LIMS4: variants seen among roughly 807,000 people sequenced by gnomAD.
LIMS4 encodes the protein LIM and senescent cell antigen-like-containing domain protein 4.
the LIMS4 span, among the ~76,000 whole-genome samples, chr2:110,390,970 G>A: frequency 6.6e-6 from 1 of 151,830 alleles, no homozygotes; most frequent in African/African-American, 2.4e-5. Context: ...ATCTGAAAAG[G>A]CCTCCCTGAG....
At chr2:110,376,313 C>A in the LIMS4 span, 1 of 126,044 alleles carries the variant, frequency 7.9e-6, no homozygotes, top group African/African-American at 4.1e-5. Context: ...TAAATGTATT[C>A]TCTCATTTGA....
At chr2:110,365,959 CA>C in the LIMS4 span, among the ~76,000 whole-genome samples, 1 of 150,936 alleles carries the variant, frequency 6.6e-6, no homozygotes, top group Non-Finnish European at 1.5e-5. Context: ...CACAACTCCC[CA>C]AAATTGAACC....
the LIMS4 span, among the ~76,000 whole-genome samples, chr2:110,378,965 GCTCT>G: frequency 1.4e-5 from 2 of 146,590 alleles, no homozygotes; most frequent in South Asian, 2.1e-4. Context: ...TTCAGTTGAT[GCTCT>G]CTTTCTACAC....
At chr2:110,361,927 C>T in the LIMS4 span, 15 of 1,448,264 alleles carry the variant, frequency 1.0e-5, no homozygotes, top group Non-Finnish European at 1.4e-5. Flanking sequence ...GAAGGCGAGA[C>T]TTCAGAGCAG....
chr2:110,385,312 A>T, the LIMS4 span, among the ~76,000 whole-genome samples: 2 of 148,786 alleles, frequency 1.3e-5, no homozygotes, highest in East Asian at 3.9e-4. Flanking sequence ...CAATGGACTA[A>T]GGTGAGCCAC....
At chr2:110,378,975 TACACAC>T in the LIMS4 span, among the ~76,000 whole-genome samples, 14 of 129,352 alleles carry the variant, frequency 1.1e-4, no homozygotes, top group African/African-American at 3.3e-4. Context: ...GCTCTCTTTC[TACACAC>T]ACACACACAC....
chr2:110,386,943 A>T, the LIMS4 span: 16 of 692,176 alleles, frequency 2.3e-5, 2 homozygotes, highest in East Asian at 4.2e-4. Context: ...GGGAGCGGGG[A>T]CACTAGGGTC....
chr2:110,366,954 C>A, the LIMS4 span, among the ~76,000 whole-genome samples: 3 of 143,228 alleles, frequency 2.1e-5, no homozygotes, highest in South Asian at 7.4e-4. Flanking sequence ...GACACACACA[C>A]ACACACACAC....
the LIMS4 span, among the ~76,000 whole-genome samples, chr2:110,385,316 G>A: frequency 6.7e-6 from 1 of 148,278 alleles, no homozygotes; most frequent in Non-Finnish European, 1.5e-5. Flanking sequence ...GGACTAAGGT[G>A]AGCCACTTCC....
At chr2:110,373,403 AGCT>A in the LIMS4 span, among the ~76,000 whole-genome samples, 1 of 129,672 alleles carries the variant, frequency 7.7e-6, no homozygotes, top group Non-Finnish European at 1.5e-5. Context: ...TCGGGGTGTG[AGCT>A]GCTGCTGGTA....
the LIMS4 span, among the ~76,000 whole-genome samples, chr2:110,407,611 T>C: frequency 1.4e-5 from 2 of 139,978 alleles, no homozygotes; most frequent in Non-Finnish European, 3.1e-5. Flanking sequence ...GCCCATGCTC[T>C]TATAACTCAA....
At chr2:110,382,035 C>G in the LIMS4 span, among the ~76,000 whole-genome samples, 1 of 71,044 alleles carries the variant, frequency 1.4e-5, no homozygotes, top group Non-Finnish European at 2.3e-5. Context: ...CCACTGCACT[C>G]CAGCCTGGCA....
chr2:110,425,645 G>A, the LIMS4 span, among the ~76,000 whole-genome samples: 1 of 142,534 alleles, frequency 7.0e-6, no homozygotes, highest in Non-Finnish European at 1.5e-5. Flanking sequence ...GGGGAGAGGA[G>A]ACATTTGAAG....
the LIMS4 span, among the ~76,000 whole-genome samples, chr2:110,368,047 A>G: frequency 6.9e-6 from 1 of 145,340 alleles, no homozygotes; most frequent in Non-Finnish European, 1.5e-5. Context: ...TATATACATA[A>G]ACATAATATA....
the LIMS4 span, among the ~76,000 whole-genome samples, chr2:110,425,017 C>T: frequency 1.9e-4 from 28 of 143,636 alleles, no homozygotes; most frequent in Non-Finnish European, 3.3e-4. Context: ...GTCAGCTTTG[C>T]GGAAGCTTTA....
the LIMS4 span, among the ~76,000 whole-genome samples, chr2:110,396,106 G>A: frequency 1.6e-5 from 2 of 123,954 alleles, no homozygotes; most frequent in Non-Finnish European, 3.3e-5. Context: ...CTCAGCCTCT[G>A]CCACCAGGCA....
chr2:110,395,693 T>C, the LIMS4 span, among the ~76,000 whole-genome samples: 1 of 56,166 alleles, frequency 1.8e-5, no homozygotes, highest in South Asian at 7.6e-4. Context: ...CTTTCCAGAG[T>C]GGCTACAGCG....
chr2:110,366,970 C>G, the LIMS4 span, among the ~76,000 whole-genome samples: 3 of 148,746 alleles, frequency 2.0e-5, no homozygotes, highest in Non-Finnish European at 4.5e-5. Context: ...CACACACACA[C>G]ACACACACAC....
chr2:110,390,236 T>G, the LIMS4 span, among the ~76,000 whole-genome samples: 1 of 140,274 alleles, frequency 7.1e-6, no homozygotes, highest in African/African-American at 3.0e-5. Flanking sequence ...GCAGGGTGGT[T>G]GATGCACTGA....
Sources: allele counts gnomAD v4.1 joint callset (sites outside exome capture counted in the v4.1 genomes callset), GRCh38; gene constraint gnomAD v4.1.1; transcripts MANE v1.5; gene names NCBI Gene and HGNC (gene_info 2026-07-23, HGNC 2026-07-21).